Variants in SLC44A5 observed in about 807,000 individuals in gnomAD.
SLC44A5 encodes the protein choline transporter-like protein 5.
In SLC44A5, 57 loss-of-function variants were observed where a neutral mutation model predicts 101.8. The ratio of observed to expected loss-of-function variants is 0.56; its 90% CI spans 0.45 to 0.70. The LOEUF is 0.70. Ranked by LOEUF, SLC44A5 falls within the 30% of genes least tolerant of loss-of-function variation. The pLI is 0.00. For missense variants in SLC44A5, 737 were observed against 853.1 expected, an observed-to-expected ratio of 0.86 and a Z score of 1.70; for synonymous variants, 281 against 290.9, an observed-to-expected ratio of 0.97 and a Z score of 0.35.
At chr1:75,314,202 G>C (rs1655522916) in intron 4 of SLC44A5, among the ~76,000 whole-genome samples, 1 of 152,164 alleles carries the variant, frequency 6.6e-6, no homozygotes, top group Admixed American at 6.5e-5. Context: ...CTGTTTGTCA[G>C]CTACCAAAAA....
At chr1:75,674,744 CA>C in the SLC44A5 span, among the ~76,000 whole-genome samples, 8 of 151,988 alleles carry the variant, frequency 5.3e-5, no homozygotes, top group Admixed American at 5.2e-4. Flanking sequence ...CTCAAAAGGG[CA>C]AAACTAAGAG....
Position 75,602,114 on chromosome 1 carries a change from A to T in SLC44A5, c.-70+8926T>A, listed in dbSNP as rs531673953. ...ACTTTTCTACCATTTACTGCTGTTAAAAATTTGAAAATGGGTTGTTTTCCC... is the reference window on the plus strand; with the variant it reads ...ACTTTTCTACCATTTACTGCTGTTATAAATTTGAAAATGGGTTGTTTTCCC... On this transcript the variant is annotated intron_variant, in intron 1 of 23. Coordinates refer to ENST00000370859, the MANE Select transcript of SLC44A5 (RefSeq NM_001130058.2). 3.3e-5 allele frequency among the ~76,000 whole-genome samples: 5 copies of T among 152,300 alleles called. No individual in the cohort carries two copies. The South Asian group carries it at 6.2e-4, about 19-fold the overall frequency.
At chr1:75,461,857 A>G (rs1205315766) in intron 2 of SLC44A5, among the ~76,000 whole-genome samples, 1 of 152,168 alleles carries the variant, frequency 6.6e-6, no homozygotes, top group African/African-American at 2.4e-5. Context: ...GGGGAGGGAA[A>G]AATGGAAAGT....
chr1:75,258,635 GAA>G (rs2100678531), intron 6 of SLC44A5, among the ~76,000 whole-genome samples: 1 of 152,266 alleles, frequency 6.6e-6, no homozygotes, highest in Non-Finnish European at 1.5e-5. Context: ...TGGCAGCTCT[GAA>G]GAGAGCAGCA....
At chr1:75,262,993 C>T (rs893900979) in intron 6 of SLC44A5, among the ~76,000 whole-genome samples, 29 of 152,000 alleles carry the variant, frequency 1.9e-4, no homozygotes, top group Admixed American at 8.5e-4. Flanking sequence ...TATGGATTAA[C>T]GACTTAAAAA....
chr1:75,507,860 A>C (rs2101860604), intron 2 of SLC44A5, among the ~76,000 whole-genome samples: 1 of 152,264 alleles, frequency 6.6e-6, no homozygotes, highest in East Asian at 1.9e-4. Flanking sequence ...CAACATTGGA[A>C]CACCCAGATT....
intron 6 of SLC44A5, among the ~76,000 whole-genome samples, chr1:75,261,087 C>T (rs138566872): frequency 2.6e-5 from 4 of 151,810 alleles, no homozygotes; most frequent in Admixed American, 1.3e-4. Context: ...GATCTAAAAT[C>T]GACACTAACA....
the SLC44A5 span, among the ~76,000 whole-genome samples, chr1:75,709,195 C>T: frequency 1.2e-4 from 19 of 152,286 alleles, no homozygotes; most frequent in African/African-American, 4.6e-4. Flanking sequence ...ACACGGCTCC[C>T]TTTAGCCTAT....
At chr1:75,706,718 G>A in the SLC44A5 span, among the ~76,000 whole-genome samples, 4 of 152,204 alleles carry the variant, frequency 2.6e-5, no homozygotes, top group East Asian at 5.8e-4. Flanking sequence ...ATTTTGTGAT[G>A]AGTGATGTTT....
intron 3 of SLC44A5, among the ~76,000 whole-genome samples, chr1:75,371,406 T>A (rs557973042): frequency 6.6e-6 from 1 of 152,328 alleles, no homozygotes; most frequent in South Asian, 2.1e-4. Flanking sequence ...TGTAAAGCAG[T>A]AAGAATAGTG....
chr1:75,232,664 A>T (rs1647688799), intron 12 of SLC44A5, among the ~76,000 whole-genome samples: 1 of 152,158 alleles, frequency 6.6e-6, no homozygotes, highest in Non-Finnish European at 1.5e-5. Context: ...CAATAACCCA[A>T]TGCATACTGA....
rs191225235 is a variant in SLC44A5, at chr1:75,604,451, C to T, written c.-70+6589G>A. Among the ~76,000 whole-genome samples the T allele has an allele frequency of 3.9e-5, 6 of 152,196 alleles. No individual in the cohort carries two copies. The East Asian group carries it at 5.8e-4, about 15-fold the overall frequency. On this transcript the variant is annotated intron_variant, in intron 1 of 23. Transcript: ENST00000370859. ...TAGTTTGAAGCCAGGTAATGTGATG[C>T]TTCTGGCTTTGTTCTTTTTTCTTGG... is the stretch of plus-strand genomic sequence containing the variant.
At chr1:75,675,425 G>C in the SLC44A5 span, among the ~76,000 whole-genome samples, 1 of 152,040 alleles carries the variant, frequency 6.6e-6, no homozygotes, top group Non-Finnish European at 1.5e-5. Context: ...TCTGTTGTTG[G>C]TATATAGGAA....
chr1:75,642,489 A>G, the SLC44A5 span, among the ~76,000 whole-genome samples: 1 of 152,102 alleles, frequency 6.6e-6, no homozygotes, highest in East Asian at 1.9e-4. Context: ...ATTTGTGTCT[A>G]TGTCTGAAAA....
At chr1:75,218,263 A>G (rs1647003184) in intron 17 of SLC44A5, among the ~76,000 whole-genome samples, 1 of 152,122 alleles carries the variant, frequency 6.6e-6, no homozygotes, top group Non-Finnish European at 1.5e-5. Context: ...ATCCTCCTCT[A>G]TCTTTTTCTC....
intron 11 of SLC44A5, among the ~76,000 whole-genome samples, chr1:75,235,962 C>T (rs1163559018): frequency 6.6e-6 from 1 of 152,054 alleles, no homozygotes; most frequent in East Asian, 1.9e-4. Flanking sequence ...TAAACACACA[C>T]ATGTACACAC....
At chr1:75,630,417 G>A in the SLC44A5 span, among the ~76,000 whole-genome samples, 26 of 152,136 alleles carry the variant, frequency 1.7e-4, no homozygotes, top group East Asian at 1.2e-3. Context: ...AGCCACCTGC[G>A]TGTTCAGCCG....
At chr1:75,330,352 C>T (rs1208038296) in intron 4 of SLC44A5, among the ~76,000 whole-genome samples, 2 of 151,964 alleles carry the variant, frequency 1.3e-5, no homozygotes, top group Non-Finnish European at 2.9e-5. Context: ...ACTGCCACCA[C>T]CCCCGTGATG....
chr1:75,619,271 G>T, the SLC44A5 span, among the ~76,000 whole-genome samples: 1 of 151,628 alleles, frequency 6.6e-6, no homozygotes, highest in Non-Finnish European at 1.5e-5. Flanking sequence ...AAGGAAGGAA[G>T]AAAGAAAAGG....
Sources: allele counts gnomAD v4.1 joint callset (sites outside exome capture counted in the v4.1 genomes callset), GRCh38; gene constraint gnomAD v4.1.1; transcripts MANE v1.5; gene names NCBI Gene and HGNC (gene_info 2026-07-23, HGNC 2026-07-21).